ACSL4: variants seen among roughly 807,000 people sequenced by gnomAD.
ACSL4 encodes long-chain-fatty-acid--CoA ligase 4.
Under a neutral mutation model 49.1 loss-of-function variants are expected in ACSL4, and 9 were observed. That is an observed-to-expected ratio of 0.18 (90% CI 0.11 to 0.32). ACSL4 has a LOEUF of 0.32. ACSL4 is among the 10% of genes least tolerant of loss of function. The pLI, the probability that ACSL4 is intolerant of heterozygous loss-of-function variation, is 1.00. For missense variants in ACSL4, 333 were observed against 493.7 expected (o/e 0.67, Z 3.08); for synonymous variants, 191 against 170.3 (o/e 1.12, Z -0.95).
intron 6 of ACSL4, 22 bp downstream of exon 6, chrX:109,680,976 T>A: frequency 8.3e-7 from 1 of 1,205,056 alleles, no homozygotes; most frequent in African/African-American, 1.7e-5. Context: ...GTAAATAAAA[T>A]TGTTTTTACT....
intron 1 of ACSL4, among the ~76,000 whole-genome samples, chrX:109,723,614 T>C (rs935062985): frequency 1.8e-5 from 2 of 112,158 alleles, no homozygotes; most frequent in African/African-American, 6.5e-5. Context: ...TAACTTACCA[T>C]TATTTAAATC....
intron 15 of ACSL4, among the ~76,000 whole-genome samples, chrX:109,655,717 C>T (rs1025606646): frequency 2.7e-5 from 3 of 111,099 alleles, no homozygotes; most frequent in Non-Finnish European, 5.7e-5. Context: ...CACTAAGATA[C>T]ATCATTATGA....
intron 15 of ACSL4, among the ~76,000 whole-genome samples, chrX:109,647,193 T>A (rs1298618901): frequency 9.0e-6 from 1 of 110,738 alleles, no homozygotes; most frequent in Admixed American, 9.6e-5. Context: ...TCTACAGAAC[T>A]CTCCACTCCA....
intron 14 of ACSL4, 83 bp from the exon 15 acceptor site, chrX:109,659,594 A>G: frequency 1.8e-6 from 1 of 570,537 alleles, no homozygotes; most frequent in African/African-American, 2.3e-5. Context: ...TACAGTACAG[A>G]TAATTCCAAA....
At chrX:109,702,237 A>T (rs757756781) in intron 1 of ACSL4, among the ~76,000 whole-genome samples, 1 of 111,463 alleles carries the variant, frequency 9.0e-6, no homozygotes, top group Admixed American at 9.5e-5. Flanking sequence ...AAACAAAAAC[A>T]AAAAACAAAC....
chrX:109,649,648 A>G (rs1244614064), intron 15 of ACSL4, among the ~76,000 whole-genome samples: 3 of 111,483 alleles, frequency 2.7e-5, no homozygotes, highest in African/African-American at 9.8e-5. Flanking sequence ...ACCAAAAGCA[A>G]TGGCAACAAA....
At chrX:109,730,760 G>A (rs756945005) in intron 1 of ACSL4, among the ~76,000 whole-genome samples, 14 of 112,321 alleles carry the variant, frequency 1.2e-4, no homozygotes, top group South Asian at 3.7e-4. Context: ...TCCACCTTCC[G>A]GGTTCACGCC....
At chrX:109,649,879 C>T (rs1244989128) in intron 15 of ACSL4, among the ~76,000 whole-genome samples, 1 of 106,700 alleles carries the variant, frequency 9.4e-6, no homozygotes, top group Non-Finnish European at 1.9e-5. Context: ...CATGAACAGA[C>T]ACTTCTCAAA....
At chrX:109,687,585 G>A (rs1042510283) in intron 2 of ACSL4, among the ~76,000 whole-genome samples, 1 of 111,588 alleles carries the variant, frequency 9.0e-6, no homozygotes, top group African/African-American at 3.3e-5. Context: ...AGGGGATGGA[G>A]GGCTAGGGGA....
intron 4 of ACSL4, 110 bp from the exon 5 acceptor site, chrX:109,681,485 T>C (rs1321006967): frequency 7.0e-6 from 4 of 573,315 alleles, no homozygotes; most frequent in South Asian, 3.0e-5. Context: ...AAAGACATTG[T>C]ATATTTTAAT....
intron 11 of ACSL4, among the ~76,000 whole-genome samples, chrX:109,666,429 A>G (rs766856821): frequency 9.0e-6 from 1 of 111,731 alleles, no homozygotes. Context: ...GGCATTGTGT[A>G]TATGTGGGGA....
chrX:109,728,304 C>T (rs1347265136), intron 1 of ACSL4, among the ~76,000 whole-genome samples: 2 of 112,271 alleles, frequency 1.8e-5, no homozygotes, highest in African/African-American at 6.5e-5. Context: ...CTGCTAAATA[C>T]ATGGTCATGA....
chrX:109,727,010 C>A (rs921988351), intron 1 of ACSL4, among the ~76,000 whole-genome samples: 1 of 111,233 alleles, frequency 9.0e-6, no homozygotes, highest in African/African-American at 3.3e-5. Context: ...AGCTGCAGTG[C>A]CCGGCCATCA....
chrX:109,697,741 G>A (rs1925562534), intron 1 of ACSL4, among the ~76,000 whole-genome samples: 1 of 104,152 alleles, frequency 9.6e-6, no homozygotes, highest in Non-Finnish European at 2.0e-5. Flanking sequence ...CTTGCATATA[G>A]ATATTAAAAT....
rs180744211 is a variant in ACSL4 at position 109,648,140 on chromosome X, T to C, written c.1856-3954A>G. On this transcript the variant is annotated intron_variant, in intron 15 of 15. Coordinates refer to ENST00000672401, the MANE Select transcript of ACSL4 (RefSeq NM_001318510.2). ...TTCCTTCTGAAACTATTCCAATCAA[T>C]AGAAAATGAGGGAATCCTCCCTAAC... Among the ~76,000 whole-genome samples the C allele has an allele frequency of 1.2e-3, 134 of 110,307 alleles. 1 individual carries two copies. The highest frequency in any genetic ancestry group is 4.9e-3 in the Admixed American group (51 of 10,372).
At chrX:109,729,868 T>C (rs777120110) in intron 1 of ACSL4, among the ~76,000 whole-genome samples, 42 of 112,292 alleles carry the variant, frequency 3.7e-4, no homozygotes, top group Non-Finnish European at 5.8e-4. Flanking sequence ...AAAGGTTATA[T>C]ACTGTGTGAT....
intron 1 of ACSL4, among the ~76,000 whole-genome samples, chrX:109,703,826 G>A (rs1468448422): frequency 9.0e-6 from 1 of 110,595 alleles, no homozygotes; most frequent in African/African-American, 3.3e-5. Context: ...CAGCTATTCG[G>A]GAGGCTGAGG....
In ACSL4 at chrX:109,662,822, T is replaced by C. The variant is rs3788761; in HGVS notation, c.1582+389A>G. ...GGAAGGCCTAGCATAGAGTATGTTA[T>C]AGGAAACAGTTATATAAAATCACAT... is the stretch of plus-strand genomic sequence containing the variant. On this transcript the variant is annotated intron_variant, in intron 13 of 15. Transcript: ENST00000672401. Among the ~76,000 whole-genome samples the C allele has an allele frequency of 4.7e-4, 52 of 111,373 alleles. No homozygotes were observed. In the East Asian group the frequency reaches 0.014, roughly 29 times the overall value.
intron 1 of ACSL4, among the ~76,000 whole-genome samples, chrX:109,718,659 T>A (rs1462376466): frequency 9.3e-6 from 1 of 107,805 alleles, no homozygotes; most frequent in Non-Finnish European, 1.9e-5. Flanking sequence ...GATGCTTATG[T>A]GGGAGGATTG....
Sources: allele counts gnomAD v4.1 joint callset (sites outside exome capture counted in the v4.1 genomes callset), GRCh38; gene constraint gnomAD v4.1.1; transcripts MANE v1.5; gene names NCBI Gene and HGNC (gene_info 2026-07-23, HGNC 2026-07-21).